CTBP2: variants seen among roughly 807,000 people sequenced by gnomAD.
CTBP2 encodes the protein C-terminal binding protein 2.
In CTBP2, 30 loss-of-function variants were observed where a neutral mutation model predicts 80.3. The ratio of observed to expected loss-of-function variants is 0.37; its 90% CI spans 0.28 to 0.51. The LOEUF (loss-of-function observed/expected upper bound fraction) is 0.51. Ranked by LOEUF, CTBP2 falls within the 20% of genes least tolerant of loss-of-function variation. CTBP2 has a pLI of 0.93. For missense variants in CTBP2, 1,212 were observed against 1,375.3 expected (o/e 0.88, Z 1.88); for synonymous variants, 594 against 587.4 (o/e 1.01, Z -0.16).
In CTBP2 at chr10:125,072,377, G is replaced by T. The variant is rs116307828; in HGVS notation, c.-101-33222C>A. On this transcript the variant is annotated intron_variant, in intron 2 of 10. Transcript: ENST00000337195. ...CGTCTGTAATTCCAGCATTTTGAGAGGCCAAGGTGGGTGAATTACCTGAGG... is the reference window on the plus strand; with the variant it reads ...CGTCTGTAATTCCAGCATTTTGAGATGCCAAGGTGGGTGAATTACCTGAGG... Among the ~76,000 whole-genome samples, 661 of 152,126 alleles carry T rather than the reference G, an allele frequency of 4.3e-3. 6 individuals carry two copies. The highest frequency in any genetic ancestry group is 0.015 in the African/African-American group (621 of 41,508).
chr10:125,085,110 C>A (rs1051822445), intron 2 of CTBP2, among the ~76,000 whole-genome samples: 1 of 152,202 alleles, frequency 6.6e-6, no homozygotes, highest in African/African-American at 2.4e-5. Flanking sequence ...TCAACCCTCA[C>A]GTCACCACCC....
intron 2 of CTBP2, among the ~76,000 whole-genome samples, chr10:125,103,751 A>G (rs1851010942): frequency 6.6e-6 from 1 of 152,166 alleles, no homozygotes; most frequent in Admixed American, 6.5e-5. Context: ...CTCACTTGCC[A>G]TGACCAGCTG....
intron 2 of CTBP2, among the ~76,000 whole-genome samples, chr10:125,075,896 G>A (rs1368581492): frequency 6.6e-6 from 1 of 152,216 alleles, no homozygotes; most frequent in East Asian, 1.9e-4. Context: ...AGCTGAGCAT[G>A]TGTATCCCAA....
chr10:125,125,720 G>A (rs911029949), intron 1 of CTBP2, among the ~76,000 whole-genome samples: 1 of 152,200 alleles, frequency 6.6e-6, no homozygotes, highest in Non-Finnish European at 1.5e-5. Flanking sequence ...ATGGGGACGC[G>A]AATGTTTCCT....
chr10:125,041,281 C>T (rs1272664113), intron 2 of CTBP2, among the ~76,000 whole-genome samples: 2 of 152,164 alleles, frequency 1.3e-5, no homozygotes, highest in Non-Finnish European at 2.9e-5. Flanking sequence ...GGGTTTCACA[C>T]CATGTTGCCC....
At chr10:125,005,931 GCC>G (rs1040546286) in intron 1 of CTBP2, 2 of 1,503,284 alleles carry the variant, frequency 1.3e-6, no homozygotes, top group Non-Finnish European at 1.8e-6. Flanking sequence ...TTAAATGGTA[GCC>G]ACACAGGAAA....
chr10:125,013,524 T>A (rs1177255772), intron 1 of CTBP2, among the ~76,000 whole-genome samples: 1 of 152,122 alleles, frequency 6.6e-6, no homozygotes, highest in African/African-American at 2.4e-5. Context: ...AAGTTTCTGG[T>A]AACAAAGGGA....
At chr10:125,106,733 T>C (rs1188462928) in intron 2 of CTBP2, among the ~76,000 whole-genome samples, 1 of 152,206 alleles carries the variant, frequency 6.6e-6, no homozygotes, top group Non-Finnish European at 1.5e-5. Flanking sequence ...CCACACAGTG[T>C]TGACACATGG....
At position 125,026,722 on chromosome 10, in the gene CTBP2, G is replaced by A. The variant is rs775535759; in HGVS notation, c.1038C>T (p.Ala346=). The change falls in exon 1 of 9, where the codon GCC becomes GCT. Residue 346 remains alanine, a synonymous_variant. Transcript: ENST00000309035. ...GCTGCATTTCGGTCCTGCAGCTATT[G>A]GCCAGGCGGCTCAGAACACGGGCCT... 5.1e-5 allele frequency: 82 copies of A among 1,612,724 alleles called. No homozygotes were observed. Among genetic ancestry groups the A allele is most frequent in the Non-Finnish European group, 6.6e-5 (78 of 1,179,918 alleles).
At chr10:125,053,397 T>C (rs897579544) in intron 2 of CTBP2, among the ~76,000 whole-genome samples, 2 of 152,194 alleles carry the variant, frequency 1.3e-5, no homozygotes, top group African/African-American at 2.4e-5. Flanking sequence ...GAAAGGTCTT[T>C]TGCAGTCCAG....
intron 1 of CTBP2, among the ~76,000 whole-genome samples, chr10:125,112,437 T>G (rs1400243133): frequency 6.9e-6 from 1 of 144,018 alleles, no homozygotes; most frequent in East Asian, 2.1e-4. Flanking sequence ...TTCGTTTTTT[T>G]TTTTTTTTTG....
At position 124,993,329 on chromosome 10, in the gene CTBP2, G is replaced by A. The variant is rs767918095; in HGVS notation, c.2532C>T (p.Ser844=). The A allele has an allele frequency of 1.6e-5, 26 of 1,606,246 alleles. No individual in the cohort carries two copies. Among genetic ancestry groups the A allele is most frequent in the Non-Finnish European group, 2.0e-5 (23 of 1,173,732 alleles). The change falls in exon 7 of 9, where the codon AGC becomes AGT. Residue 844 remains serine, a splice_region_variant and synonymous_variant. Coordinates refer to ENST00000309035, the MANE Select transcript of CTBP2 (RefSeq NM_022802.3). ...CATCTTTCAACGGACCCTGAGCAAA[G>A]CTAGAAAAATGTAGAAAAAACAGAG...
rs766078718 is a variant in CTBP2, at chr10:124,987,943, T to TATC, written c.*1572_*1574dup. 2 of 152,496 alleles carry TATC rather than the reference T, an allele frequency of 1.3e-5. No individual in the cohort carries two copies. The highest frequency in any genetic ancestry group is 4.8e-5 in the African/African-American group (2 of 41,452). 9.4% of individuals were successfully genotyped at this position (152,496 alleles called of 1,614,324 possible). A position where few individuals can be genotyped will look rare whatever the true frequency, so the allele number is the denominator to read the frequency against. On this transcript the variant is annotated 3_prime_UTR_variant, in exon 9 of 9. Coordinates refer to ENST00000309035, the MANE Select transcript of CTBP2 (RefSeq NM_022802.3). ...ACTATTTGCAACACTTCTTTGTAAA[T>TATC]ATCATTTTGTTTGTTAGGTTATTGG...
chr10:125,018,492 A>G (rs575666817), intron 1 of CTBP2, among the ~76,000 whole-genome samples: 1 of 142,370 alleles, frequency 7.0e-6, no homozygotes, highest in African/African-American at 2.5e-5. Flanking sequence ...TCTGTCTCAA[A>G]AAAACAAAAA....
At chr10:125,109,060 C>G (rs1851889795) in intron 2 of CTBP2, among the ~76,000 whole-genome samples, 1 of 152,234 alleles carries the variant, frequency 6.6e-6, no homozygotes, top group African/African-American at 2.4e-5. Context: ...CACTGCTAAA[C>G]AGGATCCCAG....
chr10:125,137,420 C>T (rs1857137966), intron 1 of CTBP2, among the ~76,000 whole-genome samples: 1 of 152,156 alleles, frequency 6.6e-6, no homozygotes, highest in Non-Finnish European at 1.5e-5. Flanking sequence ...TCAACCCCAC[C>T]AAGGCTGCAA....
At chr10:125,139,646 G>A (rs771530326) in intron 1 of CTBP2, among the ~76,000 whole-genome samples, 4 of 152,114 alleles carry the variant, frequency 2.6e-5, no homozygotes, top group Admixed American at 2.0e-4. Flanking sequence ...AGCAAGCACC[G>A]CTGGAGGGGC....
At chr10:125,008,946 A>G (rs1228232209) in intron 1 of CTBP2, among the ~76,000 whole-genome samples, 5 of 152,206 alleles carry the variant, frequency 3.3e-5, no homozygotes, top group African/African-American at 1.2e-4. Context: ...CTTTCTCAAC[A>G]TTCCACAAGT....
chr10:125,143,423 A>G (rs527381947), intron 1 of CTBP2, among the ~76,000 whole-genome samples: 1 of 152,344 alleles, frequency 6.6e-6, no homozygotes, highest in East Asian at 1.9e-4. Flanking sequence ...GGTTGCAGTG[A>G]GCGGAGAACT....
Sources: allele counts gnomAD v4.1 joint callset (sites outside exome capture counted in the v4.1 genomes callset), GRCh38; gene constraint gnomAD v4.1.1; transcripts MANE v1.5; gene names NCBI Gene and HGNC (gene_info 2026-07-23, HGNC 2026-07-21).